TMEM62: variants seen among roughly 807,000 people sequenced by gnomAD.
TMEM62 encodes transmembrane protein 62.
Under a neutral mutation model 70.4 loss-of-function variants are expected in TMEM62, and 41 were observed. That is an observed-to-expected ratio of 0.58 (90% CI 0.45 to 0.76). The LOEUF (loss-of-function observed/expected upper bound fraction) is 0.76. Ranked by LOEUF, TMEM62 falls within the 30% of genes least tolerant of loss-of-function variation. The probability of loss-of-function intolerance (pLI) is 0.00; values close to 1 mark genes in which losing one functional copy is unlikely to be tolerated. For synonymous variants in TMEM62, 268 were observed against 291.0 expected, an observed-to-expected ratio of 0.92 and a Z score of 0.80; for missense variants, 688 against 788.5, an observed-to-expected ratio of 0.87 and a Z score of 1.53.
intron 10 of TMEM62, among the ~76,000 whole-genome samples, chr15:43,165,734 A>G (rs574040987): frequency 3.0e-4 from 46 of 151,214 alleles, no homozygotes; most frequent in African/African-American, 1.1e-3. Flanking sequence ...CTCCGTCTCA[A>G]AAAAAAAATA....
intron 7 of TMEM62, among the ~76,000 whole-genome samples, chr15:43,151,383 A>G (rs2037369772): frequency 1.3e-5 from 2 of 152,232 alleles, no homozygotes; most frequent in South Asian, 4.1e-4. Flanking sequence ...AATTTTGTTC[A>G]TATCAACCAT....
At chr15:43,178,483 T>C in intron 11 of TMEM62, 124 bp from the exon 12 acceptor site, 1 of 614,388 alleles carries the variant, frequency 1.6e-6, no homozygotes, top group East Asian at 2.8e-5. Flanking sequence ...ATCTGTATAG[T>C]TACCATCTAA....
chr15:43,168,315 C>G (rs1195905163), intron 10 of TMEM62, among the ~76,000 whole-genome samples: 1 of 152,096 alleles, frequency 6.6e-6, no homozygotes, highest in East Asian at 1.9e-4. Context: ...CAGTTTGTAC[C>G]GTTCTGGGTC....
chr15:43,134,030 C>A, intron 1 of TMEM62, 48 bp downstream of exon 1: 1 of 1,436,628 alleles, frequency 7.0e-7, no homozygotes, highest in Non-Finnish European at 9.1e-7. Context: ...GATCGGGCAC[C>A]GTGCGGTGGG....
intron 11 of TMEM62, among the ~76,000 whole-genome samples, chr15:43,177,016 A>G (rs1332547051): frequency 6.6e-6 from 1 of 152,142 alleles, no homozygotes; most frequent in Non-Finnish European, 1.5e-5. Context: ...CTGAAAGCCA[A>G]GGCTCGAGAA....
intron 1 of TMEM62, 50 bp downstream of exon 1, chr15:43,134,032 T>C: frequency 7.0e-7 from 1 of 1,437,144 alleles, no homozygotes; most frequent in Non-Finnish European, 9.1e-7. Context: ...TCGGGCACCG[T>C]GCGGTGGGAC....
At chr15:43,168,485 T>C (rs972632255) in intron 10 of TMEM62, among the ~76,000 whole-genome samples, 3 of 152,182 alleles carry the variant, frequency 2.0e-5, no homozygotes, top group Non-Finnish European at 2.9e-5. Flanking sequence ...GGTTTTCTTC[T>C]GGCCCAGGCT....
At chr15:43,174,334 G>A (rs2040517068) in intron 11 of TMEM62, among the ~76,000 whole-genome samples, 1 of 152,170 alleles carries the variant, frequency 6.6e-6, no homozygotes, top group Admixed American at 6.5e-5. Context: ...GGGGAGTATT[G>A]TAGTAATGAT....
intron 9 of TMEM62, among the ~76,000 whole-genome samples, chr15:43,156,687 G>A (rs1221670021): frequency 6.6e-6 from 1 of 151,936 alleles, no homozygotes; most frequent in Non-Finnish European, 1.5e-5. Flanking sequence ...TGAATCCTTA[G>A]TAAAAATGTA....
chr15:43,171,330 T>C (rs1218116561), intron 11 of TMEM62, among the ~76,000 whole-genome samples: 1 of 148,220 alleles, frequency 6.7e-6, no homozygotes, highest in East Asian at 2.1e-4. Context: ...AGCGAGACTC[T>C]GTCCTTAAAA....
At chr15:43,176,889 G>A (rs1342235869) in intron 11 of TMEM62, among the ~76,000 whole-genome samples, 9 of 152,056 alleles carry the variant, frequency 5.9e-5, no homozygotes, top group South Asian at 2.1e-4. Flanking sequence ...AAACTACTCC[G>A]AGCTACAGGA....
chr15:43,146,271 C>A, intron 4 of TMEM62: 1 of 418,148 alleles, frequency 2.4e-6, no homozygotes, highest in Non-Finnish European at 4.3e-6. Flanking sequence ...ACTTGGTGAA[C>A]TTGTATTTGG....
In TMEM62 at chr15:43,140,567, G is replaced by GC. The variant is rs111857031; in HGVS notation, c.476+1949dup. ...ATTCTCCTTCTCTCTATCAATACCT[G>GC]CATATACATGGCTGCAGCTACAGGA... On this transcript the variant is annotated intron_variant, in intron 4 of 13. Transcript: ENST00000260403. Among the ~76,000 whole-genome samples the GC allele has an allele frequency of 6.5e-4, 99 of 152,270 alleles. 1 individual carries two copies. Among genetic ancestry groups the GC allele is most frequent in the African/African-American group, 2.3e-3 (96 of 41,546 alleles).
rs12899854 is a variant in TMEM62 at position 43,163,792 on chromosome 15, C to T, written c.1296+2998C>T. Among the ~76,000 whole-genome samples, 323 of 129,896 alleles carry T rather than the reference C, an allele frequency of 2.5e-3. 1 individual carries two copies. The highest frequency in any genetic ancestry group is 4.1e-3 in the Middle Eastern group (1 of 246). The allele number at this position is 129,896 out of a possible 152,430, so 85.2% of individuals were successfully genotyped here. A position where few individuals can be genotyped will look rare whatever the true frequency, so the allele number is the denominator to read the frequency against. On this transcript the variant is annotated intron_variant, in intron 10 of 13. Transcript: ENST00000260403. ...GCGAGACTCCGTCTCAAAAAAAAAA[C>T]AAAAAACAAAAAAACAGGTTGTGGT...
intron 11 of TMEM62, among the ~76,000 whole-genome samples, chr15:43,176,485 A>C (rs1001418632): frequency 6.6e-6 from 1 of 152,166 alleles, no homozygotes. Context: ...TCTGAGACAA[A>C]AGTTCCAGAG....
At chr15:43,168,173 CGGAGACGGAGAGGGAGAG>C (rs1390210542) in intron 10 of TMEM62, among the ~76,000 whole-genome samples, 4 of 62,184 alleles carry the variant, frequency 6.4e-5, no homozygotes, top group African/African-American at 2.6e-4. Context: ...GAGAGGGAGA[CGGAGACGGAGAGGGAGAG>C]GGAGAGGGAG....
chr15:43,137,862 G>A (rs987235592), intron 3 of TMEM62, among the ~76,000 whole-genome samples: 10 of 152,234 alleles, frequency 6.6e-5, no homozygotes, highest in African/African-American at 2.4e-4. Flanking sequence ...GTTCATTGCC[G>A]TCATCTGCAA....
At chr15:43,149,921 G>T (rs958825731) in intron 7 of TMEM62, among the ~76,000 whole-genome samples, 1 of 152,128 alleles carries the variant, frequency 6.6e-6, no homozygotes, top group Non-Finnish European at 1.5e-5. Flanking sequence ...GAGAAAATAT[G>T]TTTATCAAAA....
intron 5 of TMEM62, among the ~76,000 whole-genome samples, chr15:43,147,054 C>T (rs1002818626): frequency 2.0e-5 from 3 of 152,216 alleles, no homozygotes; most frequent in African/African-American, 7.2e-5. Context: ...ACCTCCACAT[C>T]CCAGGCTCAA....
Sources: allele counts gnomAD v4.1 joint callset (sites outside exome capture counted in the v4.1 genomes callset), GRCh38; gene constraint gnomAD v4.1.1; transcripts MANE v1.5; gene names NCBI Gene and HGNC (gene_info 2026-07-23, HGNC 2026-07-21).